ATP10D: variants seen among roughly 807,000 people sequenced by gnomAD.
ATP10D encodes the protein ATPase phospholipid transporting 10D (putative).
ATP10D carries 89 observed loss-of-function variants against 144.8 expected under a neutral mutation model. That is an observed-to-expected ratio of 0.61 (90% CI 0.52 to 0.73). The LOEUF (loss-of-function observed/expected upper bound fraction) is 0.73. Ranked by LOEUF, ATP10D falls within the 30% of genes least tolerant of loss-of-function variation. ATP10D has a pLI of 0.00. For synonymous variants in ATP10D, 571 were observed against 615.1 expected (o/e 0.93, Z 1.06); for missense variants, 1,603 against 1,714.8 (o/e 0.93, Z 1.15).
At chr4:47,519,870 T>C (rs1716858360) in intron 3 of ATP10D, among the ~76,000 whole-genome samples, 1 of 152,196 alleles carries the variant, frequency 6.6e-6, no homozygotes, top group African/African-American at 2.4e-5. Flanking sequence ...TTAATCATTT[T>C]TGTGTATTTT....
intron 18 of ATP10D, 60 bp downstream of exon 18, chr4:47,573,057 A>G: frequency 6.3e-7 from 1 of 1,577,474 alleles, no homozygotes; most frequent in Non-Finnish European, 8.7e-7. Context: ...CTGTTGCATC[A>G]GGGATGAAGA....
intron 15 of ATP10D, among the ~76,000 whole-genome samples, chr4:47,565,213 G>A (rs577435370): frequency 6.6e-6 from 1 of 152,298 alleles, no homozygotes; most frequent in Admixed American, 6.5e-5. Flanking sequence ...GCCCGCCTCG[G>A]CCTCCCAAAG....
intron 1 of ATP10D, among the ~76,000 whole-genome samples, chr4:47,494,296 T>A (rs1451144332): frequency 6.6e-6 from 1 of 152,104 alleles, no homozygotes; most frequent in African/African-American, 2.4e-5. Context: ...TCTTATGACT[T>A]TCAGTAGAGA....
intron 1 of ATP10D, among the ~76,000 whole-genome samples, chr4:47,497,150 T>C (rs775891349): frequency 2.6e-5 from 4 of 152,058 alleles, no homozygotes; most frequent in African/African-American, 4.8e-5. Flanking sequence ...CTATAAGATA[T>C]TAATTTAAAA....
rs759945258 is a variant in ATP10D, at chr4:47,536,779, A to G, written c.1237A>G (p.Lys413Glu). The G allele has an allele frequency of 1.8e-5, 29 of 1,613,286 alleles. No homozygotes were observed. Among genetic ancestry groups the G allele is most frequent in the East Asian group, 8.9e-5 (4 of 44,888 alleles). The change falls in exon 9 of 23, where the codon AAA (lysine) becomes GAA (glutamate). Residue 413 changes from lysine to glutamate, a missense_variant. By Grantham distance (56) the Lys-to-Glu change is moderately conservative (BLOSUM62 1). Transcript: ENST00000273859. ...AAGTGATGTGGATTTCTACAATGAA[A>G]AAATGGATTCTATTGTTCAGTGCCG... is the stretch of plus-strand genomic sequence containing the variant. ...IQSDVDFYNE[K>E]MDSIVQCRAL...
chr4:47,531,939 T>A (rs1375630882), intron 5 of ATP10D, among the ~76,000 whole-genome samples: 1 of 152,130 alleles, frequency 6.6e-6, no homozygotes, highest in Non-Finnish European at 1.5e-5. Context: ...GTCTGGAGCA[T>A]ATAGCACTCT....
rs569710980 is a variant in ATP10D, at chr4:47,507,904, G to A, written c.-37-4600G>A. Among the ~76,000 whole-genome samples, 72 of 152,334 alleles carry A rather than the reference G, an allele frequency of 4.7e-4. 3 individuals carry two copies. In the South Asian group the frequency reaches 0.014, roughly 30 times the overall value. ...GAATAGAGGCTGGTGTGGTGAGTGGGTGATATGGTTAACCAGCCCTCCAGA... is the reference window on the plus strand; with the variant it reads ...GAATAGAGGCTGGTGTGGTGAGTGGATGATATGGTTAACCAGCCCTCCAGA... On this transcript the variant is annotated intron_variant, in intron 1 of 22. Coordinates refer to ENST00000273859, the MANE Select transcript of ATP10D (RefSeq NM_020453.4).
At position 47,557,871 on chromosome 4, in the gene ATP10D, C is replaced by CAGGT; in HGVS notation, c.2033_2036dup (p.Cys680GlyfsTer3). ...TTCACCTGTGGAGGAAGAGGTCTCC[C>CAGGT]AGGTGTGTGAGAGCCCCCAGTGCTC... On this transcript the variant is annotated frameshift_variant, in exon 12 of 23. Transcript: ENST00000273859. LOFTEE classifies it high-confidence loss of function. The CAGGT allele has an allele frequency of 1.9e-6, 3 of 1,614,184 alleles. No homozygotes were observed. Among genetic ancestry groups the CAGGT allele is most frequent in the Non-Finnish European group, 2.5e-6 (3 of 1,180,016 alleles).
intron 21 of ATP10D, among the ~76,000 whole-genome samples, chr4:47,585,457 G>T (rs1056052228): frequency 3.9e-5 from 6 of 151,966 alleles, no homozygotes; most frequent in African/African-American, 9.7e-5. Context: ...GGAGAATGGG[G>T]TATCCATCCC....
At chr4:47,519,391 G>A (rs1311861572) in intron 3 of ATP10D, among the ~76,000 whole-genome samples, 1 of 152,198 alleles carries the variant, frequency 6.6e-6, no homozygotes, top group Non-Finnish European at 1.5e-5. Context: ...TGTGGATGCT[G>A]TGTCCTGGTC....
chr4:47,497,322 G>T (rs1386693694), intron 1 of ATP10D, among the ~76,000 whole-genome samples: 1 of 152,140 alleles, frequency 6.6e-6, no homozygotes, highest in Non-Finnish European at 1.5e-5. Context: ...GGGCGTGGTG[G>T]CATGTGCCTG....
chr4:47,503,915 A>T (rs1168144400), intron 1 of ATP10D, among the ~76,000 whole-genome samples: 1 of 151,716 alleles, frequency 6.6e-6, no homozygotes, highest in East Asian at 1.9e-4. Context: ...ATAATAAATA[A>T]AAAATAAAAT....
chr4:47,552,647 T>C (rs1718784467), intron 10 of ATP10D, among the ~76,000 whole-genome samples: 1 of 152,170 alleles, frequency 6.6e-6, no homozygotes, highest in Admixed American at 6.5e-5. Context: ...ATTTAGACCG[T>C]AGTAAATAGC....
At chr4:47,571,961 T>G (rs1719974997) in intron 16 of ATP10D, among the ~76,000 whole-genome samples, 193 bp from the exon 17 acceptor site, 1 of 152,158 alleles carries the variant, frequency 6.6e-6, no homozygotes, top group African/African-American at 2.4e-5. Context: ...AAAGCGGTGT[T>G]GAGTTTGGAA....
intron 14 of ATP10D, 28 bp from the exon 15 acceptor site, chr4:47,563,553 G>T: frequency 6.3e-7 from 1 of 1,576,214 alleles, no homozygotes; most frequent in Admixed American, 1.9e-5. Context: ...TTTCTTACAA[G>T]TCCTATTGCA....
chr4:47,568,145 TC>T (rs1230041882), intron 15 of ATP10D, among the ~76,000 whole-genome samples: 1 of 152,232 alleles, frequency 6.6e-6, no homozygotes, highest in Non-Finnish European at 1.5e-5. Context: ...TTAAAGAACT[TC>T]CTAACTAGTG....
chr4:47,584,390 T>TTTG (rs781258825), intron 21 of ATP10D, among the ~76,000 whole-genome samples: 1 of 152,016 alleles, frequency 6.6e-6, no homozygotes, highest in South Asian at 2.1e-4. Flanking sequence ...TTTGTTTGTT[T>TTTG]TTGTTGTTGT....
chr4:47,517,579 A>G (rs943608890), intron 3 of ATP10D, among the ~76,000 whole-genome samples: 1 of 152,230 alleles, frequency 6.6e-6, no homozygotes, highest in African/African-American at 2.4e-5. Context: ...TTCCTGTATT[A>G]TGAATGTAAT....
intron 4 of ATP10D, among the ~76,000 whole-genome samples, chr4:47,525,046 T>A (rs1204518364): frequency 6.6e-6 from 1 of 152,210 alleles, no homozygotes; most frequent in African/African-American, 2.4e-5. Flanking sequence ...TTGTTCATTG[T>A]TTTCATAAAG....
Sources: gnomAD v4.1 joint callset for allele counts (sites outside exome capture counted in the v4.1 genomes callset) on GRCh38, gnomAD v4.1.1 for gene constraint, MANE v1.5 for transcripts, NCBI Gene and HGNC (gene_info 2026-07-23, HGNC 2026-07-21) for gene names.